The following CLIP1 variants were observed in gnomAD, a reference collection of about 807,000 sequenced individuals.
CLIP1 encodes the protein CAP-Gly domain-containing linker protein 1.
CLIP1 carries 66 observed loss-of-function variants against 161.6 expected under a neutral mutation model. The ratio of observed to expected loss-of-function variants is 0.41; its 90% CI spans 0.33 to 0.50. CLIP1 has a LOEUF of 0.50. Among genes scored for constraint, CLIP1 ranks in the 20% least tolerant of loss-of-function variants. The probability of loss-of-function intolerance (pLI) is 0.27; values close to 1 mark genes in which losing one functional copy is unlikely to be tolerated. For synonymous variants in CLIP1, 598 were observed against 626.2 expected (o/e 0.96, Z 0.67); for missense variants, 1,376 against 1,702.0 (o/e 0.81, Z 3.37).
At chr12:122,374,067 T>C (rs755785920) in intron 3 of CLIP1, among the ~76,000 whole-genome samples, 1 of 151,890 alleles carries the variant, frequency 6.6e-6, no homozygotes, top group Non-Finnish European at 1.5e-5. Context: ...TAACAAGTGT[T>C]GAGCTCGTGC....
At chr12:122,405,389 T>C in intron 1 of CLIP1, among the ~76,000 whole-genome samples, 1 of 152,208 alleles carries the variant, frequency 6.6e-6, no homozygotes, top group East Asian at 1.9e-4. Context: ...TTTTCACTGA[T>C]ATTTCTCTAA....
intron 1 of CLIP1, among the ~76,000 whole-genome samples, chr12:122,421,464 A>C (rs1157889483): frequency 6.6e-6 from 1 of 152,140 alleles, no homozygotes; most frequent in African/African-American, 2.4e-5. Flanking sequence ...AGCAGTGGCC[A>C]CAGCACTTAA....
At chr12:122,281,624 G>A (rs909508652) in intron 21 of CLIP1, among the ~76,000 whole-genome samples, 1 of 152,002 alleles carries the variant, frequency 6.6e-6, no homozygotes, top group Non-Finnish European at 1.5e-5. Context: ...TGAGGCGGGA[G>A]GATGGCTTGA....
intron 5 of CLIP1, among the ~76,000 whole-genome samples, chr12:122,359,001 G>T (rs1016701444): frequency 6.6e-6 from 1 of 152,202 alleles, no homozygotes; most frequent in African/African-American, 2.4e-5. Flanking sequence ...ACAAGAGGTT[G>T]CAGTGCGCTG....
rs756766590 is a variant in CLIP1, at chr12:122,360,992, G to A, written c.972C>T (p.Ser324=). ...TCCGACTGGGCCTGCTGCTCACAGA[G>A]GAGGCCACTGAGCTCATGGAGCTGA... The part of the protein sequence containing the change: ...SSLSSMSSVA[S]SVSSRPSRTG... Residue 324 remains serine, a synonymous_variant, in exon 5 of 26, where the codon TCC becomes TCT. Coordinates refer to ENST00000620786, the MANE Select transcript of CLIP1 (RefSeq NM_001247997.2). 1.2e-6 allele frequency: 2 copies of A among 1,613,972 alleles called. No homozygotes were observed. The highest frequency in any genetic ancestry group is 1.7e-6 in the Non-Finnish European group (2 of 1,180,026).
intron 1 of CLIP1, among the ~76,000 whole-genome samples, chr12:122,390,319 T>TATA (rs1955600901): frequency 7.4e-6 from 1 of 135,266 alleles, no homozygotes; most frequent in African/African-American, 2.7e-5. Context: ...TATATATATA[T>TATA]TATTTTTTTT....
rs558126211 is a variant in CLIP1 at position 122,300,291 on chromosome 12, A to G, written c.3594+9471T>C. Reference sequence around the variant, plus strand: ...TCGAAAATAAAAGAAAAAAAAGACCATAACATTAGCTGAATGACATGCCAG... The same window carrying G: ...TCGAAAATAAAAGAAAAAAAAGACCGTAACATTAGCTGAATGACATGCCAG... On this transcript the variant is annotated intron_variant, in intron 20 of 25. Coordinates refer to ENST00000620786, the MANE Select transcript of CLIP1 (RefSeq NM_001247997.2). Among the ~76,000 whole-genome samples the G allele has an allele frequency of 4.3e-4, 66 of 152,306 alleles. 3 individuals are homozygous for G. Among genetic ancestry groups the G allele is most frequent in the South Asian group, 1.7e-3 (8 of 4,832 alleles).
At chr12:122,422,463 C>T (rs932790312) in intron 1 of CLIP1, 58 bp downstream of exon 1, 1 of 151,658 alleles carries the variant, frequency 6.6e-6, no homozygotes, top group Non-Finnish European at 1.5e-5. Flanking sequence ...GCCGGGAAGC[C>T]GGCAGGGGAG....
intron 1 of CLIP1, among the ~76,000 whole-genome samples, chr12:122,416,482 A>G (rs1291699339): frequency 6.6e-6 from 1 of 152,206 alleles, no homozygotes; most frequent in African/African-American, 2.4e-5. Flanking sequence ...TGACATAGTC[A>G]GCACAGTAGT....
At chr12:122,331,894 C>T (rs192580310) in intron 15 of CLIP1, among the ~76,000 whole-genome samples, 39 of 152,102 alleles carry the variant, frequency 2.6e-4, no homozygotes, top group Non-Finnish European at 4.1e-4. Flanking sequence ...ACTAGGGAGG[C>T]TTAGGCAGGA....
At chr12:122,360,563 A>T (rs150549129) in intron 5 of CLIP1, among the ~76,000 whole-genome samples, 193 of 152,128 alleles carry the variant, frequency 1.3e-3, no homozygotes, top group African/African-American at 4.6e-3. Flanking sequence ...AAGAAAAAAT[A>T]AAAAAAAGAG....
chr12:122,342,956 C>G (rs1857525846), intron 10 of CLIP1: 1 of 151,208 alleles, frequency 6.6e-6, no homozygotes, highest in Non-Finnish European at 1.5e-5. Context: ...TAACTTGTGA[C>G]TTACAAAAAA....
intron 20 of CLIP1, among the ~76,000 whole-genome samples, chr12:122,289,454 C>T (rs954233781): frequency 4.6e-5 from 7 of 151,908 alleles, no homozygotes; most frequent in Non-Finnish European, 8.8e-5. Flanking sequence ...AGTAAAGCTC[C>T]ACTGCTAACA....
At chr12:122,390,950 C>A (rs921770023) in intron 1 of CLIP1, among the ~76,000 whole-genome samples, 11 of 152,078 alleles carry the variant, frequency 7.2e-5, no homozygotes, top group Non-Finnish European at 1.3e-4. Flanking sequence ...GCTCCATGAA[C>A]AGATTGCTCA....
At chr12:122,273,460 A>G (rs1955257969) in intron 25 of CLIP1, among the ~76,000 whole-genome samples, 1 of 152,044 alleles carries the variant, frequency 6.6e-6, no homozygotes. Context: ...CAAGTTAGCC[A>G]AGTTGGTCTT....
chr12:122,307,550 C>T (rs1424564599), intron 20 of CLIP1, among the ~76,000 whole-genome samples: 1 of 152,126 alleles, frequency 6.6e-6, no homozygotes, highest in Non-Finnish European at 1.5e-5. Flanking sequence ...AGTACTACAA[C>T]TAAAATTATT....
chr12:122,321,515 A>C (rs1470227793), intron 17 of CLIP1, among the ~76,000 whole-genome samples: 1 of 149,344 alleles, frequency 6.7e-6, no homozygotes, highest in Non-Finnish European at 1.5e-5. Flanking sequence ...GTGAGCCACC[A>C]CACCTGGCTG....
chr12:122,372,114 T>C (rs1032042070), intron 3 of CLIP1, among the ~76,000 whole-genome samples: 14 of 151,200 alleles, frequency 9.3e-5, no homozygotes, highest in Admixed American at 4.6e-4. Context: ...AAACCCTGTC[T>C]CTATGGGGAA....
intron 12 of CLIP1, among the ~76,000 whole-genome samples, chr12:122,336,150 A>G (rs1485292102): frequency 6.6e-6 from 1 of 152,226 alleles, no homozygotes; most frequent in Non-Finnish European, 1.5e-5. Context: ...ATTTTCTGAG[A>G]TGGAATAAAC....
Sources: gnomAD v4.1 joint callset for allele counts (sites outside exome capture counted in the v4.1 genomes callset) on GRCh38, gnomAD v4.1.1 for gene constraint, MANE v1.5 for transcripts, NCBI Gene and HGNC (gene_info 2026-07-23, HGNC 2026-07-21) for gene names.